Variants in CDH13 observed in about 807,000 individuals in gnomAD.
CDH13 encodes the protein cadherin-13.
Under a neutral mutation model 63.8 loss-of-function variants are expected in CDH13, and 24 were observed. The ratio of observed to expected loss-of-function variants is 0.38; its 90% CI spans 0.27 to 0.53. The LOEUF is 0.53. Ranked by LOEUF, CDH13 falls within the 20% of genes least tolerant of loss-of-function variation. The probability of loss-of-function intolerance (pLI) is 0.85; values close to 1 mark genes in which losing one functional copy is unlikely to be tolerated. For synonymous variants in CDH13, 503 were observed against 355.3 expected, an observed-to-expected ratio of 1.42 and a Z score of -4.67; for missense variants, 1,049 against 903.1, an observed-to-expected ratio of 1.16 and a Z score of -2.07.
At chr16:83,667,381 TATTA>T (rs1189418219) in intron 8 of CDH13, among the ~76,000 whole-genome samples, 2 of 152,038 alleles carry the variant, frequency 1.3e-5, no homozygotes, top group Admixed American at 1.3e-4. Flanking sequence ...ATATTAATTT[TATTA>T]ATTCATTCAT....
chr16:83,657,130 T>C (rs148724664), intron 8 of CDH13, among the ~76,000 whole-genome samples: 1 of 152,370 alleles, frequency 6.6e-6, no homozygotes, highest in South Asian at 2.1e-4. Flanking sequence ...AAATGAATGA[T>C]GTAGGCTCTT....
chr16:82,921,080 G>A (rs533005239), intron 2 of CDH13, among the ~76,000 whole-genome samples: 4 of 152,172 alleles, frequency 2.6e-5, no homozygotes, highest in Admixed American at 6.5e-5. Flanking sequence ...CTTTAATAAA[G>A]CCTAGTTGGT....
At chr16:83,075,378 G>A (rs944024712) in intron 3 of CDH13, among the ~76,000 whole-genome samples, 1 of 152,168 alleles carries the variant, frequency 6.6e-6, no homozygotes, top group African/African-American at 2.4e-5. Context: ...CTCCCTGTTA[G>A]CGCTAGTTAC....
At chr16:83,686,274 C>T (rs990937844) in intron 10 of CDH13, among the ~76,000 whole-genome samples, 4 of 152,210 alleles carry the variant, frequency 2.6e-5, no homozygotes, top group Non-Finnish European at 5.9e-5. Flanking sequence ...TGTCCATCTT[C>T]CCACGAGACT....
At chr16:83,142,160 G>GTTTTTTTT (rs11445521) in intron 4 of CDH13, among the ~76,000 whole-genome samples, 14 of 120,376 alleles carry the variant, frequency 1.2e-4, no homozygotes, top group African/African-American at 1.9e-4. Context: ...GTTTGTTTTT[G>GTTTTTTTT]TTTTTTTTTT....
At chr16:83,060,693 C>G (rs1428518942) in intron 3 of CDH13, among the ~76,000 whole-genome samples, 3 of 152,236 alleles carry the variant, frequency 2.0e-5, no homozygotes, top group African/African-American at 7.2e-5. Flanking sequence ...CCTCACCTCA[C>G]TGTGCAAATA....
chr16:82,764,252 C>T (rs1207362364), intron 1 of CDH13, among the ~76,000 whole-genome samples: 1 of 152,138 alleles, frequency 6.6e-6, no homozygotes, highest in Non-Finnish European at 1.5e-5. Context: ...TCATGCAGCT[C>T]AGAACTGGGG....
chr16:82,765,391 C>T (rs936797561), intron 1 of CDH13, among the ~76,000 whole-genome samples: 1 of 152,154 alleles, frequency 6.6e-6, no homozygotes, highest in Non-Finnish European at 1.5e-5. Flanking sequence ...CCATTCAGTG[C>T]CCAGCTCTAA....
rs142508894 is a variant in CDH13 at position 82,885,536 on chromosome 16, C to T, written c.157+27063C>T. Among the ~76,000 whole-genome samples, 490 of 151,426 alleles carry T rather than the reference C, an allele frequency of 3.2e-3. 3 individuals are homozygous for T. The highest frequency in any genetic ancestry group is 0.011 in the African/African-American group (440 of 41,286). ...CTATCCATTCATCCATCCATCCATC[C>T]ATCCATCCAGCCATCCATCCATTCA... On this transcript the variant is annotated intron_variant, in intron 2 of 13. Transcript: ENST00000567109.
chr16:83,780,366 C>T, intron 12 of CDH13, among the ~76,000 whole-genome samples, 165 bp downstream of exon 12: 1 of 152,194 alleles, frequency 6.6e-6, no homozygotes, highest in East Asian at 1.9e-4. Flanking sequence ...CAAACAAATG[C>T]AATTTATAAA....
intron 6 of CDH13, among the ~76,000 whole-genome samples, chr16:83,458,560 T>C (rs192453498): frequency 4.6e-5 from 7 of 152,206 alleles, no homozygotes; most frequent in African/African-American, 1.7e-4. Context: ...CTACAAAAAA[T>C]CTTGTGGTCA....
chr16:83,211,185 A>T (rs1478330470), intron 4 of CDH13, among the ~76,000 whole-genome samples: 1 of 152,072 alleles, frequency 6.6e-6, no homozygotes, highest in Non-Finnish European at 1.5e-5. Context: ...AACTGATGAA[A>T]TCTGAATACA....
intron 2 of CDH13, among the ~76,000 whole-genome samples, chr16:82,970,833 T>A (rs1908632306): frequency 6.6e-6 from 1 of 152,246 alleles, no homozygotes; most frequent in South Asian, 2.1e-4. Context: ...CTATAATGAC[T>A]TGTTTTACCT....
At chr16:83,436,345 T>TA (rs879565384) in intron 6 of CDH13, among the ~76,000 whole-genome samples, 12 of 152,094 alleles carry the variant, frequency 7.9e-5, no homozygotes, top group Admixed American at 2.6e-4. Context: ...TTGTCTTTTT[T>TA]AAAAAAACGT....
intron 5 of CDH13, among the ~76,000 whole-genome samples, chr16:83,241,779 G>A (rs1597581400): frequency 6.6e-6 from 1 of 152,148 alleles, no homozygotes; most frequent in African/African-American, 2.4e-5. Flanking sequence ...CTCCTATTTA[G>A]TAAGTTGCGT....
At chr16:83,250,294 C>T (rs1011653954) in intron 5 of CDH13, among the ~76,000 whole-genome samples, 2 of 152,030 alleles carry the variant, frequency 1.3e-5, no homozygotes, top group Non-Finnish European at 2.9e-5. Flanking sequence ...ATTTAATATT[C>T]AAAGAACACC....
intron 10 of CDH13, among the ~76,000 whole-genome samples, chr16:83,743,756 T>TTTTTC (rs1485676152): frequency 4.6e-5 from 6 of 130,034 alleles, no homozygotes; most frequent in African/African-American, 1.7e-4. Flanking sequence ...TTCTTTTTTT[T>TTTTTC]TTTTTTTTTT....
intron 7 of CDH13, among the ~76,000 whole-genome samples, chr16:83,496,083 C>T (rs1400441860): frequency 6.6e-6 from 1 of 151,712 alleles, no homozygotes; most frequent in South Asian, 2.1e-4. Context: ...GGCCATACTG[C>T]CCAAGGTAAT....
intron 3 of CDH13, among the ~76,000 whole-genome samples, chr16:83,036,259 C>G (rs562428572): frequency 2.3e-4 from 35 of 151,414 alleles, no homozygotes; most frequent in Non-Finnish European, 4.0e-4. Context: ...AAGTGATTCT[C>G]CTGCCTCAGC....
Sources: allele counts gnomAD v4.1 joint callset (sites outside exome capture counted in the v4.1 genomes callset), GRCh38; gene constraint gnomAD v4.1.1; transcripts MANE v1.5; gene names NCBI Gene and HGNC (gene_info 2026-07-23, HGNC 2026-07-21).